MTF2: variants seen among roughly 807,000 people sequenced by gnomAD.
The protein encoded by MTF2 is metal response element binding transcription factor 2.
A neutral mutation model predicts 79.5 loss-of-function variants in MTF2; 11 were observed. The ratio of observed to expected loss-of-function variants is 0.14; its 90% CI spans 0.09 to 0.23. The LOEUF is 0.23. MTF2 is among the 10% of genes least tolerant of loss of function. The pLI is 1.00. For missense variants in MTF2, 486 were observed against 711.2 expected, an observed-to-expected ratio of 0.68 and a Z score of 3.60; for synonymous variants, 208 against 232.8, an observed-to-expected ratio of 0.89 and a Z score of 0.97.
At chr1:93,114,572 A>T in intron 3 of MTF2, 116 bp from the exon 4 acceptor site, 1 of 632,570 alleles carries the variant, frequency 1.6e-6, no homozygotes, top group Non-Finnish European at 2.7e-6. Context: ...CTTGTGAAGC[A>T]TTATGATGTA....
At chr1:93,109,927 A>G (rs975708481) in intron 1 of MTF2, among the ~76,000 whole-genome samples, 4 of 152,208 alleles carry the variant, frequency 2.6e-5, no homozygotes, top group African/African-American at 9.6e-5. Flanking sequence ...GCTCATGATC[A>G]TGGCCTGCAT....
chr1:93,083,670 A>G (rs1342627615), intron 1 of MTF2, among the ~76,000 whole-genome samples: 1 of 152,206 alleles, frequency 6.6e-6, no homozygotes, highest in Non-Finnish European at 1.5e-5. Context: ...GTGCCATTCT[A>G]CAAGCTCACT....
rs918463079 is a variant in MTF2, at chr1:93,137,213, T to A, written c.*186T>A. 2 of 464,468 alleles carry A rather than the reference T, an allele frequency of 4.3e-6. No homozygotes were observed. The highest frequency in any genetic ancestry group is 7.4e-5 in the Admixed American group (2 of 27,082). 28.8% of individuals were successfully genotyped at this position (464,468 alleles called of 1,614,324 possible). A position where few individuals can be genotyped will look rare whatever the true frequency, so the allele number is the denominator to read the frequency against. ...TTATGGATATTGTCATAAAAAGGTA[T>A]CTTTTAAAAATCAGAACAGAGACTT... On this transcript the variant is annotated 3_prime_UTR_variant, in exon 15 of 15. Transcript: ENST00000370298.
intron 1 of MTF2, among the ~76,000 whole-genome samples, chr1:93,085,331 A>G (rs1654790785): frequency 6.6e-6 from 1 of 151,346 alleles, no homozygotes; most frequent in South Asian, 2.1e-4. Flanking sequence ...GCCCACCACC[A>G]TGCCCGGCTA....
At chr1:93,091,176 T>G (rs1051051280) in intron 1 of MTF2, among the ~76,000 whole-genome samples, 1 of 152,194 alleles carries the variant, frequency 6.6e-6, no homozygotes, top group Non-Finnish European at 1.5e-5. Flanking sequence ...ATTGTTATAT[T>G]CAATAAACAG....
At chr1:93,128,165 T>C (rs1468239817) in intron 10 of MTF2, among the ~76,000 whole-genome samples, 1 of 152,164 alleles carries the variant, frequency 6.6e-6, no homozygotes, top group East Asian at 1.9e-4. Context: ...AAATGTTTCA[T>C]GGGACAGTGA....
At chr1:93,134,481 A>G in intron 14 of MTF2, 1 of 310,790 alleles carries the variant, frequency 3.2e-6, no homozygotes, top group Non-Finnish European at 5.9e-6. Flanking sequence ...AGGCTTTTTA[A>G]TGCCTCTGCT....
At chr1:93,091,075 T>C (rs959614388) in intron 1 of MTF2, among the ~76,000 whole-genome samples, 1 of 152,210 alleles carries the variant, frequency 6.6e-6, no homozygotes, top group Admixed American at 6.5e-5. Flanking sequence ...GAGCTAAACT[T>C]TTAGAATAAG....
chr1:93,104,536 G>A, intron 1 of MTF2, among the ~76,000 whole-genome samples: 1 of 151,676 alleles, frequency 6.6e-6, no homozygotes, highest in Non-Finnish European at 1.5e-5. Flanking sequence ...AAAATTAGCT[G>A]GGCGTGGTGG....
At position 93,133,802 on chromosome 1, in the gene MTF2, A is replaced by C. The variant is rs907736280; in HGVS notation, c.1260A>C (p.Pro420=). 6.2e-7 allele frequency: 1 copy of C among 1,602,450 alleles called. No homozygotes were observed. Among genetic ancestry groups the C allele is most frequent in the Admixed American group, 1.7e-5 (1 of 59,800 alleles). Reference sequence around the variant, plus strand: ...AAATGATTCAAAAAACTGCTGAGCCACTTTTGGTAAGAGGATATGTTGGTA... The same window carrying C: ...AAATGATTCAAAAAACTGCTGAGCCCCTTTTGGTAAGAGGATATGTTGGTA... ...TRKMIQKTAE[P]LLDKESISEN... The change falls in exon 12 of 15, where the codon CCA becomes CCC. Residue 420 remains proline, a synonymous_variant. Transcript: ENST00000370298.
chr1:93,109,809 A>C (rs1231191451), intron 1 of MTF2, among the ~76,000 whole-genome samples: 1 of 152,162 alleles, frequency 6.6e-6, no homozygotes, highest in Non-Finnish European at 1.5e-5. Context: ...TGTCCCTTGA[A>C]GTCACTGGTT....
chr1:93,104,854 G>A (rs897543176), intron 1 of MTF2, among the ~76,000 whole-genome samples: 3 of 150,774 alleles, frequency 2.0e-5, no homozygotes, highest in Non-Finnish European at 4.4e-5. Context: ...ATACAAGTGT[G>A]AATAAGAGAC....
Position 93,133,776 on chromosome 1 carries a change from A to G in MTF2, c.1234A>G (p.Lys412Glu), listed in dbSNP as rs1466057771. The G allele has an allele frequency of 6.2e-7, 1 of 1,611,750 alleles. No homozygotes were observed. Among genetic ancestry groups the G allele is most frequent in the Non-Finnish European group, 8.5e-7 (1 of 1,178,868 alleles). Residue 412 changes from lysine to glutamate, a missense_variant, in exon 12 of 15, where the codon AAA (lysine) becomes GAA (glutamate). Lys to Glu is a moderately conservative substitution (Grantham distance 56). Around this residue, in one of 4 missense-constraint regions of MTF2, gnomAD observed 209 missense variants for 206.5 expected, o/e 1.01. Coordinates refer to ENST00000370298, the MANE Select transcript of MTF2 (RefSeq NM_007358.4). ...VGRPPGPYTR[K>E]MIQKTAEPLL... ...TCGTCCACCTGGCCCATATACAAGA[A>G]AAATGATTCAAAAAACTGCTGAGCC...
At chr1:93,098,061 G>A (rs1389281015) in intron 1 of MTF2, among the ~76,000 whole-genome samples, 5 of 152,116 alleles carry the variant, frequency 3.3e-5, no homozygotes, top group Non-Finnish European at 5.9e-5. Context: ...TACTCTTATA[G>A]CTTGGTCTTT....
chr1:93,115,024 C>G lies in MTF2; in HGVS notation c.419C>G (p.Ser140Cys), dbSNP rs2815427. 360 of 1,610,292 alleles carry G rather than the reference C, an allele frequency of 2.2e-4. 1 individual carries two copies. In the African/African-American group the frequency reaches 4.2e-3, roughly 19 times the overall value. The change falls in exon 5 of 15, where the codon TCC becomes TGC. Residue 140 changes from serine (S) to cysteine (C), a missense_variant. Physicochemically the swap from Ser to Cys is moderately radical, Grantham distance 112. Coordinates refer to ENST00000370298, the MANE Select transcript of MTF2 (RefSeq NM_007358.4). ...TTGTGTCACACACCTCATATTGATT[C>G]CAGTGTGATTGATTCAGATGAAAAA... is the stretch of plus-strand genomic sequence containing the variant. ...HQLCHTPHID[S>C]SVIDSDEKWL...
At chr1:93,136,382 C>T (rs897144768) in intron 14 of MTF2, among the ~76,000 whole-genome samples, 4 of 152,126 alleles carry the variant, frequency 2.6e-5, no homozygotes, top group East Asian at 1.9e-4. Flanking sequence ...AGGGCCTCTT[C>T]GTAAGAATTT....
At position 93,115,668 on chromosome 1, in the gene MTF2, A is replaced by G. The variant is rs567869446; in HGVS notation, c.632+50A>G. On this transcript the variant is annotated intron_variant, in intron 6 of 14. Coordinates refer to ENST00000370298, the MANE Select transcript of MTF2 (RefSeq NM_007358.4). ...CCCTTTAAGTAATTTTTATTTACTT[A>G]TCTATTTTTCTTGATTATGGTGTGT... 1.8e-5 allele frequency: 26 copies of G among 1,430,446 alleles called. 1 individual carries two copies. In the South Asian group the frequency reaches 3.9e-4, roughly 21 times the overall value. The allele number at this position is 1,430,446 out of a possible 1,614,324, so 88.6% of individuals were successfully genotyped here. A position where few individuals can be genotyped will look rare whatever the true frequency, so the allele number is the denominator to read the frequency against.
chr1:93,102,591 CA>C (rs546464746), intron 1 of MTF2, among the ~76,000 whole-genome samples: 5 of 144,816 alleles, frequency 3.5e-5, no homozygotes, highest in Non-Finnish European at 7.6e-5. Context: ...GACCCTGTCT[CA>C]AAAAAAAAAT....
intron 1 of MTF2, among the ~76,000 whole-genome samples, chr1:93,104,541 T>C (rs778370802): frequency 1.6e-4 from 24 of 151,808 alleles, no homozygotes; most frequent in Non-Finnish European, 3.4e-4. Flanking sequence ...TAGCTGGGCG[T>C]GGTGGCATGC....
Sources: gnomAD v4.1 joint callset for allele counts (sites outside exome capture counted in the v4.1 genomes callset) on GRCh38, gnomAD v4.1.1 for gene constraint, gnomAD v4.1.1 regional missense constraint, MANE v1.5 for transcripts, NCBI Gene and HGNC (gene_info 2026-07-23, HGNC 2026-07-21) for gene names.